LYRM4: variants seen among roughly 807,000 people sequenced by gnomAD.
LYRM4 encodes LYR motif containing 4.
Under a neutral mutation model 11.7 loss-of-function variants are expected in LYRM4, and 9 were observed. The ratio of observed to expected loss-of-function variants is 0.77; its 90% CI spans 0.46 to 1.34. The LOEUF is 1.34. LYRM4 is among the 40% of genes most tolerant of loss of function. LYRM4 has a pLI of 0.00. For missense variants in LYRM4, 133 were observed against 112.5 expected (o/e 1.18, Z -0.82); for synonymous variants, 42 against 40.4 (o/e 1.04, Z -0.15).
At chr6:5,119,745 C>T (rs1763323923) in intron 2 of LYRM4, among the ~76,000 whole-genome samples, 1 of 124,974 alleles carries the variant, frequency 8.0e-6, no homozygotes, top group South Asian at 2.8e-4. Context: ...GCCGAGATTG[C>T]ACAATTGCAC....
chr6:5,046,807 C>T, the LYRM4 span, among the ~76,000 whole-genome samples: 9 of 152,228 alleles, frequency 5.9e-5, no homozygotes, highest in East Asian at 3.9e-4. Flanking sequence ...ATAAGCCACA[C>T]GGTGGGGCAT....
intron 2 of LYRM4, among the ~76,000 whole-genome samples, chr6:5,174,823 G>A (rs773084025): frequency 8.5e-5 from 13 of 152,092 alleles, no homozygotes; most frequent in Non-Finnish European, 1.5e-4. Context: ...TCTAACAAAC[G>A]TCGAGAAAGG....
At chr6:5,115,894 C>A (rs1484472833) in intron 2 of LYRM4, among the ~76,000 whole-genome samples, 1 of 152,062 alleles carries the variant, frequency 6.6e-6, no homozygotes, top group Non-Finnish European at 1.5e-5. Context: ...TATATTGGGG[C>A]CACCCACATG....
chr6:5,215,633 T>C (rs1445356013), intron 2 of LYRM4, among the ~76,000 whole-genome samples: 3 of 152,236 alleles, frequency 2.0e-5, no homozygotes, highest in Non-Finnish European at 2.9e-5. Flanking sequence ...TTTCAAATAT[T>C]GCTTCTTTTT....
intron 2 of LYRM4, among the ~76,000 whole-genome samples, chr6:5,169,620 A>G (rs1343761559): frequency 1.3e-5 from 2 of 152,222 alleles, no homozygotes; most frequent in East Asian, 3.8e-4. Flanking sequence ...ACCTATTTTC[A>G]TACATATACA....
intron 2 of LYRM4, chr6:5,143,999 C>G (rs1280767531): frequency 1.0e-6 from 1 of 1,000,208 alleles, no homozygotes; most frequent in Admixed American, 2.9e-5. Flanking sequence ...CTTCTGAGGT[C>G]TAATTCCCAA....
At chr6:5,117,121 C>T (rs1763153577) in intron 2 of LYRM4, among the ~76,000 whole-genome samples, 1 of 152,194 alleles carries the variant, frequency 6.6e-6, no homozygotes, top group East Asian at 1.9e-4. Flanking sequence ...ACCATTTTCC[C>T]CAGTTCCTTC....
chr6:5,123,437 C>A (rs932186140), intron 2 of LYRM4, among the ~76,000 whole-genome samples: 4 of 152,326 alleles, frequency 2.6e-5, no homozygotes, highest in Admixed American at 2.0e-4. Context: ...CTAAGCTCTT[C>A]TGTAGGACCC....
At chr6:5,154,871 G>T (rs949250770) in intron 2 of LYRM4, among the ~76,000 whole-genome samples, 3 of 152,164 alleles carry the variant, frequency 2.0e-5, no homozygotes, top group African/African-American at 7.2e-5. Context: ...TCACAAAGGT[G>T]CAGTAACTTC....
chr6:5,063,923 G>C, the LYRM4 span, among the ~76,000 whole-genome samples: 2 of 152,192 alleles, frequency 1.3e-5, no homozygotes, highest in African/African-American at 4.8e-5. Context: ...CTAGGCCTCT[G>C]GGCGAAGGGG....
At position 5,109,466 on chromosome 6, in the gene LYRM4, G is replaced by A. The variant is rs1205249893; in HGVS notation, c.233C>T (p.Thr78Ile). The A allele has an allele frequency of 6.2e-7, 1 of 1,614,098 alleles. No individual in the cohort carries two copies. The highest frequency in any genetic ancestry group is 2.2e-5 in the East Asian group (1 of 44,880). ...TCGATTCTCAATGATCAGCTTGTCA[G>A]TTGAATACAGTTGGCCAATGTGGAC... is the stretch of plus-strand genomic sequence containing the variant. ...RQVHIGQLYS[T>I]DKLIIENRDM... is the part of the protein sequence containing the mutation. Residue 78 changes from threonine (T) to isoleucine (I), a missense_variant, in exon 3 of 3, where the codon ACT becomes ATT. Coordinates refer to ENST00000330636, the MANE Select transcript of LYRM4 (RefSeq NM_020408.6).
At chr6:5,208,202 A>G (rs7764853) in intron 2 of LYRM4, among the ~76,000 whole-genome samples, 56,951 of 152,054 alleles carry the variant, frequency 0.37, 11,771 homozygotes, top group East Asian at 0.59. Flanking sequence ...ACACATCATC[A>G]CTGCTGCCAC....
At chr6:5,213,962 A>G (rs1468673521) in intron 2 of LYRM4, among the ~76,000 whole-genome samples, 1 of 152,242 alleles carries the variant, frequency 6.6e-6, no homozygotes, top group East Asian at 1.9e-4. Flanking sequence ...AGTTTGCATT[A>G]GGCACTGAGA....
intron 2 of LYRM4, among the ~76,000 whole-genome samples, chr6:5,169,571 GA>G (rs1442163439): frequency 6.6e-6 from 1 of 152,070 alleles, no homozygotes; most frequent in Non-Finnish European, 1.5e-5. Flanking sequence ...TTATAAATAT[GA>G]ATAATGAGAA....
intron 1 of LYRM4, among the ~76,000 whole-genome samples, chr6:5,251,304 C>T (rs1260170900): frequency 6.6e-6 from 1 of 152,148 alleles, no homozygotes; most frequent in Non-Finnish European, 1.5e-5. Flanking sequence ...GTGAAAGGTG[C>T]TTGTTAATAC....
Position 5,119,216 on chromosome 6 carries a change from A to G in LYRM4, c.208-9725T>C, listed in dbSNP as rs560002752. Among the ~76,000 whole-genome samples, 3 of 152,228 alleles carry G rather than the reference A, an allele frequency of 2.0e-5. No individual in the cohort carries two copies. In the South Asian group the frequency reaches 6.2e-4, roughly 32 times the overall value. ...GTTGTTGCTGGCAGAGTGATGAGCA[A>G]GTTCATATCCCTGCCCACTATCCCG... On this transcript the variant is annotated intron_variant, in intron 2 of 2. Coordinates refer to ENST00000330636, the MANE Select transcript of LYRM4 (RefSeq NM_020408.6).
At chr6:5,245,090 A>T (rs9502282) in intron 1 of LYRM4, among the ~76,000 whole-genome samples, 8,450 of 21,940 alleles carry the variant, frequency 0.39, 1,582 homozygotes, top group African/African-American at 0.58. Flanking sequence ...GGAAGACCTT[A>T]AAAAAAAAAA....
the LYRM4 span, among the ~76,000 whole-genome samples, chr6:5,091,831 C>A: frequency 2.0e-5 from 3 of 152,216 alleles, no homozygotes; most frequent in Non-Finnish European, 2.9e-5. Context: ...CATATGCAAA[C>A]TTTTCTGGTA....
intron 2 of LYRM4, among the ~76,000 whole-genome samples, chr6:5,122,350 A>G (rs1763495801): frequency 6.6e-6 from 1 of 152,174 alleles, no homozygotes; most frequent in African/African-American, 2.4e-5. Flanking sequence ...TGAGAGTTTC[A>G]CAATTTCCAG....
Sources: gnomAD v4.1 joint callset for allele counts (sites outside exome capture counted in the v4.1 genomes callset) on GRCh38, gnomAD v4.1.1 for gene constraint, MANE v1.5 for transcripts, NCBI Gene and HGNC (gene_info 2026-07-23, HGNC 2026-07-21) for gene names.